SLC24A3: variants seen among roughly 807,000 people sequenced by gnomAD.
The protein encoded by SLC24A3 is sodium/potassium/calcium exchanger 3.
In SLC24A3, 28 loss-of-function variants were observed where a neutral mutation model predicts 75.8. The observed-to-expected ratio is 0.37, with a 90% CI of 0.27 to 0.51. The LOEUF (loss-of-function observed/expected upper bound fraction) is 0.51, where lower values mean the gene tolerates loss of function less well. Ranked by LOEUF, SLC24A3 falls within the 20% of genes least tolerant of loss-of-function variation. SLC24A3 has a pLI of 0.94. For synonymous variants in SLC24A3, 372 were observed against 334.1 expected, an observed-to-expected ratio of 1.11 and a Z score of -1.24; for missense variants, 663 against 847.8, an observed-to-expected ratio of 0.78 and a Z score of 2.71.
At chr20:19,397,298 A>G (rs1415427456) in intron 2 of SLC24A3, among the ~76,000 whole-genome samples, 1 of 152,228 alleles carries the variant, frequency 6.6e-6, no homozygotes, top group Admixed American at 6.5e-5. Context: ...CTCTCAAGAT[A>G]CACGCAATTT....
At chr20:19,429,190 A>G (rs938918003) in intron 2 of SLC24A3, among the ~76,000 whole-genome samples, 1 of 152,242 alleles carries the variant, frequency 6.6e-6, no homozygotes, top group African/African-American at 2.4e-5. Context: ...AACTATCCTC[A>G]CTGTTCACTC....
chr20:19,675,356 G>A lies in SLC24A3; in HGVS notation c.767+1702G>A, dbSNP rs568464176. 4.6e-5 allele frequency among the ~76,000 whole-genome samples: 7 copies of A among 152,352 alleles called. No individual in the cohort carries two copies. In the East Asian group the frequency reaches 1.3e-3, roughly 29 times the overall value. On this transcript the variant is annotated intron_variant, in intron 9 of 16. Transcript: ENST00000328041. ...GTTTGGACATATCAGGTGGCAGTCT[G>A]GAACTGACACATTAAGGTTTCTTAT...
At chr20:19,389,732 T>C (rs1258131826) in intron 2 of SLC24A3, among the ~76,000 whole-genome samples, 3 of 152,202 alleles carry the variant, frequency 2.0e-5, no homozygotes, top group Non-Finnish European at 4.4e-5. Context: ...TTTAATATAT[T>C]TGGGGCTCTT....
intron 3 of SLC24A3, among the ~76,000 whole-genome samples, chr20:19,533,922 C>T (rs956751751): frequency 4.6e-5 from 7 of 152,214 alleles, no homozygotes; most frequent in Admixed American, 4.6e-4. Context: ...CTTGTTGTAG[C>T]TTTGGCCTTA....
rs575004276 is a variant in SLC24A3 at position 19,490,687 on chromosome 20, G to A, written c.272-24801G>A. 3.3e-5 allele frequency among the ~76,000 whole-genome samples: 5 copies of A among 152,274 alleles called. No individual in the cohort carries two copies. The South Asian group carries it at 8.3e-4, about 25-fold the overall frequency. Reference sequence around the variant, plus strand: ...AAAATAAACACCATTCCTCAATTTGGTAGTTCCACACCTCAGACCCACCTT... The same window carrying A: ...AAAATAAACACCATTCCTCAATTTGATAGTTCCACACCTCAGACCCACCTT... On this transcript the variant is annotated intron_variant, in intron 2 of 16. Transcript: ENST00000328041.
At chr20:19,461,529 C>CTTTTTTTTTTTT (rs11468628) in intron 2 of SLC24A3, among the ~76,000 whole-genome samples, 116 of 101,288 alleles carry the variant, frequency 1.1e-3, no homozygotes, top group East Asian at 1.7e-3. Flanking sequence ...TCTTTTTTTT[C>CTTTTTTTTTTTT]TTTTTTTTTT....
chr20:19,590,626 T>C (rs986187332), intron 6 of SLC24A3, among the ~76,000 whole-genome samples: 4 of 152,220 alleles, frequency 2.6e-5, no homozygotes, highest in Non-Finnish European at 5.9e-5. Flanking sequence ...CTTCCGTACA[T>C]GATCCTGTGA....
In SLC24A3 at chr20:19,651,400, C is replaced by CAT. The variant is rs59934913; in HGVS notation, c.613-2645_613-2644dup. ...ATATATATATATATATATATACACA[C>CAT]ATATATATATATATATATCTGCTTT... On this transcript the variant is annotated intron_variant, in intron 6 of 16. Coordinates refer to ENST00000328041, the MANE Select transcript of SLC24A3 (RefSeq NM_020689.4). 6.8e-3 allele frequency among the ~76,000 whole-genome samples: 965 copies of CAT among 142,438 alleles called. 9 individuals carry two copies. The highest frequency in any genetic ancestry group is 0.018 in the Middle Eastern group (5 of 276). 93.4% of individuals were successfully genotyped at this position (142,438 alleles called of 152,430 possible). A position where few individuals can be genotyped will look rare whatever the true frequency, so the allele number is the denominator to read the frequency against.
At position 19,579,976 on chromosome 20, in the gene SLC24A3, C is replaced by A. The variant is rs780912049; in HGVS notation, c.349-24C>A. 4 of 1,585,980 alleles carry A rather than the reference C, an allele frequency of 2.5e-6. No individual in the cohort carries two copies. The African/African-American group carries it at 5.4e-5, about 21-fold the overall frequency. On this transcript the variant is annotated intron_variant, in intron 3 of 16. Coordinates refer to ENST00000328041, the MANE Select transcript of SLC24A3 (RefSeq NM_020689.4). Reference sequence around the variant, plus strand: ...TGGCTCTGCCTCACTCTAACTTTAACCCCTTTTATCTCCTCTCTTCCAGGC... The same window carrying A: ...TGGCTCTGCCTCACTCTAACTTTAAACCCTTTTATCTCCTCTCTTCCAGGC...
At chr20:19,387,829 G>A (rs1041669801) in intron 2 of SLC24A3, among the ~76,000 whole-genome samples, 2 of 152,008 alleles carry the variant, frequency 1.3e-5, no homozygotes, top group Non-Finnish European at 2.9e-5. Flanking sequence ...TGTCTGGTAG[G>A]GCCATTTGGT....
chr20:19,218,453 G>C (rs1470770332), intron 1 of SLC24A3, among the ~76,000 whole-genome samples: 1 of 152,234 alleles, frequency 6.6e-6, no homozygotes, highest in East Asian at 1.9e-4. Context: ...TGTGGAGGAG[G>C]ACATGAATAG....
chr20:19,255,230 G>A (rs2122185707), intron 1 of SLC24A3, among the ~76,000 whole-genome samples: 1 of 152,348 alleles, frequency 6.6e-6, no homozygotes, highest in South Asian at 2.1e-4. Context: ...CCCCAGGGGA[G>A]TTGAGTGGCT....
intron 2 of SLC24A3, among the ~76,000 whole-genome samples, chr20:19,466,927 C>A (rs189481074): frequency 1.3e-5 from 2 of 152,308 alleles, no homozygotes; most frequent in Non-Finnish European, 2.9e-5. Flanking sequence ...TCTGGGCACA[C>A]TGAGGAATAA....
chr20:19,310,127 C>G (rs1024392468), intron 2 of SLC24A3, among the ~76,000 whole-genome samples: 2 of 152,200 alleles, frequency 1.3e-5, no homozygotes, highest in Admixed American at 6.5e-5. Flanking sequence ...ACCTAGGTGT[C>G]ATGACATCTA....
chr20:19,288,302 A>G (rs1199647666), intron 2 of SLC24A3, among the ~76,000 whole-genome samples: 1 of 152,190 alleles, frequency 6.6e-6, no homozygotes, highest in Non-Finnish European at 1.5e-5. Flanking sequence ...AGGATTTTCT[A>G]CTTTATACTA....
chr20:19,341,638 G>A (rs1317171091), intron 2 of SLC24A3, among the ~76,000 whole-genome samples: 1 of 152,194 alleles, frequency 6.6e-6, no homozygotes, highest in Non-Finnish European at 1.5e-5. Context: ...ACTGGGCACA[G>A]CTCCCAGCCA....
chr20:19,385,207 A>T (rs1986252360), intron 2 of SLC24A3, among the ~76,000 whole-genome samples: 1 of 152,238 alleles, frequency 6.6e-6, no homozygotes, highest in South Asian at 2.1e-4. Flanking sequence ...TACCCAAAAA[A>T]CCAAAATCAT....
chr20:19,501,820 T>C (rs1988388482), intron 2 of SLC24A3, among the ~76,000 whole-genome samples: 1 of 152,134 alleles, frequency 6.6e-6, no homozygotes, highest in African/African-American at 2.4e-5. Context: ...GACATGCAAT[T>C]AGCTCACCTC....
At chr20:19,459,271 A>G (rs961622060) in intron 2 of SLC24A3, among the ~76,000 whole-genome samples, 2 of 152,184 alleles carry the variant, frequency 1.3e-5, no homozygotes, top group Non-Finnish European at 2.9e-5. Flanking sequence ...TATAGTCACA[A>G]GTATCTTCTG....
Sources: allele counts gnomAD v4.1 joint callset (sites outside exome capture counted in the v4.1 genomes callset), GRCh38; gene constraint gnomAD v4.1.1; transcripts MANE v1.5; gene names NCBI Gene and HGNC (gene_info 2026-07-23, HGNC 2026-07-21).